The following GLB1L3 variants were observed in gnomAD, a reference collection of about 807,000 sequenced individuals.
GLB1L3 encodes the protein galactosidase beta 1 like 3.
In GLB1L3, 89 loss-of-function variants were observed where a neutral mutation model predicts 89.5. The ratio of observed to expected loss-of-function variants is 0.99; its 90% CI spans 0.84 to 1.19. The LOEUF (loss-of-function observed/expected upper bound fraction) is 1.19, where lower values mean the gene tolerates loss of function less well. GLB1L3 is among the 50% of genes most tolerant of loss of function. GLB1L3 has a pLI of 0.00. For synonymous variants in GLB1L3, 314 were observed against 312.3 expected (o/e 1.01, Z -0.06); for missense variants, 812 against 813.3 (o/e 1.00, Z 0.02).
downstream of GLB1L3, among the ~76,000 whole-genome samples, chr11:134,323,379 G>GCACA (rs3065407): frequency 6.4e-4 from 88 of 136,698 alleles, 2 homozygotes; most frequent in East Asian, 0.018. Context: ...ACATGCGTGC[G>GCACA]CACACACACA....
chr11:134,296,030 A>T (rs1941618445), intron 9 of GLB1L3, among the ~76,000 whole-genome samples: 1 of 152,198 alleles, frequency 6.6e-6, no homozygotes, highest in Non-Finnish European at 1.5e-5. Flanking sequence ...ATGGATCATA[A>T]TATGGTCATT....
chr11:134,288,528 G>A (rs1281326754), intron 6 of GLB1L3, among the ~76,000 whole-genome samples: 19 of 152,208 alleles, frequency 1.2e-4, no homozygotes, highest in Non-Finnish European at 4.4e-5. Flanking sequence ...GCATTTGTAG[G>A]TTTGAGGGCT....
chr11:134,300,536 G>T (rs555481140), intron 9 of GLB1L3, among the ~76,000 whole-genome samples: 4 of 151,470 alleles, frequency 2.6e-5, no homozygotes, highest in Admixed American at 6.6e-5. Context: ...GGGTTTCACC[G>T]TGTTAGCCAG....
chr11:134,309,659 A>C lies in GLB1L3; in HGVS notation c.995A>C (p.Tyr332Ser), dbSNP rs1385476433. The C allele has an allele frequency of 1.2e-6, 2 of 1,609,526 alleles. No homozygotes were observed. The highest frequency in any genetic ancestry group is 1.7e-6 in the Non-Finnish European group (2 of 1,177,026). The change falls in exon 11 of 20, where the codon TAT becomes TCT. Residue 332 changes from tyrosine (Y) to serine (S), a missense_variant. Tyr to Ser is a moderately radical substitution (Grantham distance 144). This residue lies in a region of GLB1L3 where 618 missense variants were observed against 604.0 expected (regional missense o/e 1.02). Transcript: ENST00000431683. ...CATGCTGTGTCTGAATTCATCAAATATGAGATCTCCTTCAATGTATATATG... is the reference window on the plus strand; with the variant it reads ...CATGCTGTGTCTGAATTCATCAAATCTGAGATCTCCTTCAATGTATATATG... ...VEHAVSEFIK[Y>S]EISFNVYMFH...
intron 6 of GLB1L3, 121 bp from the exon 7 acceptor site, chr11:134,288,677 A>G: frequency 1.5e-6 from 1 of 653,530 alleles, no homozygotes; most frequent in Non-Finnish European, 2.6e-6. Context: ...CGTGCAGACC[A>G]CAGGGGCCGT....
At chr11:134,294,478 C>A (rs1941528597) in intron 9 of GLB1L3, among the ~76,000 whole-genome samples, 1 of 152,186 alleles carries the variant, frequency 6.6e-6, no homozygotes, top group Admixed American at 6.5e-5. Flanking sequence ...AAGTCTTCTT[C>A]CTTTTTGTTC....
intron 5 of GLB1L3, among the ~76,000 whole-genome samples, chr11:134,283,438 A>C (rs1323964814): frequency 6.6e-6 from 1 of 152,236 alleles, no homozygotes; most frequent in Non-Finnish European, 1.5e-5. Flanking sequence ...TCTTTAAGAC[A>C]TGGCTGTAAG....
At chr11:134,282,781 G>C (rs1940769954) in intron 5 of GLB1L3, among the ~76,000 whole-genome samples, 1 of 152,208 alleles carries the variant, frequency 6.6e-6, no homozygotes, top group South Asian at 2.1e-4. Flanking sequence ...CCTCCAGTGA[G>C]CACCTCTGCA....
chr11:134,318,920 C>A lies in GLB1L3; in HGVS notation c.1940C>A (p.Ser647Tyr), dbSNP rs1250369664. Reference sequence around the variant, plus strand: ...ATGATGAGTGGCTCAGATATCAAATCTACAGACAAGCCCACGCTGTAAAAC... The same window carrying A: ...ATGATGAGTGGCTCAGATATCAAATATACAGACAAGCCCACGCTGTAAAAC... The part of the protein sequence containing the change: ...EKMMSGSDIK[S>Y]TDKPTL The change falls in exon 20 of 20, where the codon TCT (serine) becomes TAT (tyrosine). Residue 647 changes from serine (S) to tyrosine (Y), a missense_variant. By Grantham distance (144) the Ser-to-Tyr change is moderately radical. This residue lies in a region of GLB1L3 where 618 missense variants were observed against 604.0 expected (regional missense o/e 1.02). Transcript: ENST00000431683. The A allele has an allele frequency of 6.2e-7, 1 of 1,612,006 alleles. No individual in the cohort carries two copies. Among genetic ancestry groups the A allele is most frequent in the Non-Finnish European group, 8.5e-7 (1 of 1,178,832 alleles).
intron 9 of GLB1L3, among the ~76,000 whole-genome samples, chr11:134,306,121 G>A (rs899185004): frequency 1.3e-5 from 2 of 152,106 alleles, no homozygotes; most frequent in Admixed American, 6.5e-5. Flanking sequence ...AGTAAGCACA[G>A]TAAGTGATGA....
chr11:134,277,918 T>A lies in GLB1L3; in HGVS notation c.362+6T>A. ...GGCTTCAATACTGTCACCACGTGAG[T>A]GCCGGCCCCTCACCTCCAGGATCTC... On this transcript the variant is annotated splice_donor_region_variant and intron_variant, in intron 3 of 19. Transcript: ENST00000431683. 6.2e-7 allele frequency: 1 copy of A among 1,613,190 alleles called. No individual in the cohort carries two copies. Among genetic ancestry groups the A allele is most frequent in the Non-Finnish European group, 8.5e-7 (1 of 1,179,724 alleles).
At chr11:134,312,723 C>G (rs973176876) in intron 14 of GLB1L3, 93 bp from the exon 15 acceptor site, 4 of 1,095,308 alleles carry the variant, frequency 3.7e-6, no homozygotes, top group Non-Finnish European at 5.5e-6. Context: ...TGGTCCCTGC[C>G]TTCATACTGA....
At chr11:134,296,393 G>A (rs1348093834) in intron 9 of GLB1L3, among the ~76,000 whole-genome samples, 4 of 134,492 alleles carry the variant, frequency 3.0e-5, no homozygotes, top group South Asian at 2.7e-4. Context: ...ACATGCACAC[G>A]TATGTTTATT....
chr11:134,289,754 C>G (rs576223913), intron 7 of GLB1L3, among the ~76,000 whole-genome samples: 1 of 152,310 alleles, frequency 6.6e-6, no homozygotes, highest in African/African-American at 2.4e-5. Context: ...TGCTTCTTCA[C>G]GGAGGGACTG....
intron 9 of GLB1L3, among the ~76,000 whole-genome samples, chr11:134,300,212 G>A (rs765907602): frequency 6.6e-6 from 1 of 151,944 alleles, no homozygotes; most frequent in Non-Finnish European, 1.5e-5. Flanking sequence ...CTTATTGGAC[G>A]GCTGTCTTCT....
chr11:134,323,350 G>A (rs1242508833), downstream of GLB1L3, among the ~76,000 whole-genome samples: 2 of 151,490 alleles, frequency 1.3e-5, no homozygotes, highest in Admixed American at 6.6e-5. Context: ...GTGAAACCCC[G>A]TCTCTACTAA....
At chr11:134,310,704 G>A in intron 12 of GLB1L3, 53 bp downstream of exon 12, 4 of 1,402,782 alleles carry the variant, frequency 2.9e-6, no homozygotes, top group Non-Finnish European at 4.0e-6. Flanking sequence ...TGGAGTCTCT[G>A]TTCTGTGGAA....
intron 9 of GLB1L3, among the ~76,000 whole-genome samples, chr11:134,297,950 T>G (rs1351023663): frequency 1.3e-5 from 2 of 151,316 alleles, no homozygotes; most frequent in Non-Finnish European, 2.9e-5. Context: ...CATACTGAAG[T>G]GTAGGTAGTA....
rs377334517 is a variant in GLB1L3 at position 134,306,581 on chromosome 11, A to T, written c.877-543A>T. On this transcript the variant is annotated intron_variant, in intron 9 of 19. Coordinates refer to ENST00000431683, the MANE Select transcript of GLB1L3 (RefSeq NM_001080407.3). ...ACTCCAGGAGTGCAGCTGAAAATGC[A>T]TGCTGAGTGGCTGACATATCACCCA... Among the ~76,000 whole-genome samples, 3 of 152,224 alleles carry T rather than the reference A, an allele frequency of 2.0e-5. No individual in the cohort carries two copies. In the East Asian group the frequency reaches 5.8e-4, roughly 29 times the overall value.
Sources: gnomAD v4.1 joint callset for allele counts (sites outside exome capture counted in the v4.1 genomes callset) on GRCh38, gnomAD v4.1.1 for gene constraint, gnomAD v4.1.1 regional missense constraint, MANE v1.5 for transcripts, NCBI Gene and HGNC (gene_info 2026-07-23, HGNC 2026-07-21) for gene names.